FRAS1: variants seen among roughly 807,000 people sequenced by gnomAD.
The protein encoded by FRAS1 is extracellular matrix organizing protein FRAS1.
A neutral mutation model predicts 435.2 loss-of-function variants in FRAS1; 290 were observed. The ratio of observed to expected loss-of-function variants is 0.67; its 90% CI spans 0.61 to 0.73. The LOEUF (loss-of-function observed/expected upper bound fraction) is 0.73, where lower values mean the gene tolerates loss of function less well. Ranked by LOEUF, FRAS1 falls within the 30% of genes least tolerant of loss-of-function variation. FRAS1 has a pLI of 0.00. For synonymous variants in FRAS1, 1,800 were observed against 1,851.0 expected (o/e 0.97, Z 0.71); for missense variants, 4,860 against 5,001.5 (o/e 0.97, Z 0.85).
At position 78,508,851 on chromosome 4, in the gene FRAS1, T is replaced by C; in HGVS notation, c.9625T>C (p.Tyr3209His). The C allele has an allele frequency of 2.5e-6, 4 of 1,613,864 alleles. No individual in the cohort carries two copies. Among genetic ancestry groups the C allele is most frequent in the Non-Finnish European group, 3.4e-6 (4 of 1,179,842 alleles). The stretch of plus-strand genomic sequence containing the variant: ...CCCCTGCGACCCTCATTTCCCCAGA[T>C]ACGCTGTCATGAAGGAGCGCTGCAG... ...VTPCDPHFPR[Y>H]AVMKERCSEA... The change falls in exon 63 of 74, where the codon TAC becomes CAC. Residue 3209 changes from tyrosine to histidine, a missense_variant. Physicochemically the swap from Tyr to His is moderately conservative, Grantham distance 83. Transcript: ENST00000512123.
rs182781947 is a variant in FRAS1, at chr4:78,445,993, A to G, written c.5856+281A>G. The G allele has an allele frequency of 3.3e-4, 422 of 1,260,680 alleles. 4 individuals are homozygous for G. The African/African-American group carries it at 5.7e-3, about 17-fold the overall frequency. 78.1% of individuals were successfully genotyped at this position (1,260,680 alleles called of 1,614,324 possible). On this transcript the variant is annotated intron_variant, in intron 42 of 73. Transcript: ENST00000512123. Reference sequence around the variant, plus strand: ...CAGAGATGCTTTGCCAGTCTCATATATAAATGAAAACTTACATATGTCTAT... The same window carrying G: ...CAGAGATGCTTTGCCAGTCTCATATGTAAATGAAAACTTACATATGTCTAT...
At chr4:78,264,006 T>A (rs553445872) in intron 6 of FRAS1, among the ~76,000 whole-genome samples, 8 of 152,292 alleles carry the variant, frequency 5.3e-5, no homozygotes, top group African/African-American at 1.9e-4. Flanking sequence ...AGAGTAACAA[T>A]GACAATAAAA....
At chr4:78,361,763 A>T (rs1731081213) in intron 20 of FRAS1, among the ~76,000 whole-genome samples, 1 of 152,176 alleles carries the variant, frequency 6.6e-6, no homozygotes, top group Admixed American at 6.5e-5. Flanking sequence ...ATGAAACAAG[A>T]CATTTTGGGG....
intron 22 of FRAS1, 133 bp downstream of exon 22, chr4:78,364,187 A>G (rs1731181399): frequency 6.6e-6 from 7 of 1,064,686 alleles, no homozygotes; most frequent in East Asian, 2.6e-5. Flanking sequence ...AAGAAAACCA[A>G]TCTACAAAGG....
At position 78,291,054 on chromosome 4, in the gene FRAS1, C is replaced by G. The variant is rs115340382; in HGVS notation, c.1534+4515C>G. Among the ~76,000 whole-genome samples the G allele has an allele frequency of 1.0e-2, 1,518 of 152,334 alleles. 15 individuals carry two copies. The highest frequency in any genetic ancestry group is 0.024 in the Middle Eastern group (7 of 294). ...GTGCTGGGATTACAGGCGTGAGCCACTGCGCCCGGCCTAAACCACCTGGTT... is the reference window on the plus strand; with the variant it reads ...GTGCTGGGATTACAGGCGTGAGCCAGTGCGCCCGGCCTAAACCACCTGGTT... On this transcript the variant is annotated intron_variant, in intron 14 of 73. Transcript: ENST00000512123.
chr4:78,242,190 C>G (rs1560598654), intron 3 of FRAS1, among the ~76,000 whole-genome samples: 1 of 152,192 alleles, frequency 6.6e-6, no homozygotes, highest in Non-Finnish European at 1.5e-5. Context: ...AGTCAGACTT[C>G]CTCAGTCTGT....
chr4:78,126,259 G>T (rs752394372), intron 2 of FRAS1, among the ~76,000 whole-genome samples: 2 of 152,154 alleles, frequency 1.3e-5, no homozygotes, highest in South Asian at 4.2e-4. Context: ...CATGGGCAAG[G>T]CACAGTATTT....
At chr4:78,540,498 C>T (rs769699940) in intron 73 of FRAS1, 33 bp from the exon 74 acceptor site, 4 of 1,402,246 alleles carry the variant, frequency 2.9e-6, no homozygotes, top group Non-Finnish European at 1.9e-6. Flanking sequence ...GGTCTGTGGG[C>T]AACAACAACA....
intron 20 of FRAS1, among the ~76,000 whole-genome samples, chr4:78,341,825 T>C (rs1730407770): frequency 6.6e-6 from 1 of 151,846 alleles, no homozygotes; most frequent in Non-Finnish European, 1.5e-5. Context: ...GGGGTGAGAG[T>C]TGGACATCCC....
chr4:78,126,075 G>C (rs1284889024), intron 2 of FRAS1, among the ~76,000 whole-genome samples: 1 of 152,170 alleles, frequency 6.6e-6, no homozygotes, highest in Non-Finnish European at 1.5e-5. Context: ...TACACTGTGA[G>C]CATAGAACTG....
chr4:78,381,481 A>T (rs541273954), intron 27 of FRAS1, among the ~76,000 whole-genome samples: 352 of 152,240 alleles, frequency 2.3e-3, no homozygotes, highest in African/African-American at 8.4e-3. Flanking sequence ...GAAGAGACAG[A>T]GTTTCACTGT....
rs537823063 is a variant in FRAS1 at position 78,467,741 on chromosome 4, A to C, written c.7257+1306A>C. On this transcript the variant is annotated intron_variant, in intron 50 of 73. Transcript: ENST00000512123. Reference sequence around the variant, plus strand: ...CACATTCTCATTAGCATTTTTTATTACCTGTCTTTTAGATAAAAGCCATTT... The same window carrying C: ...CACATTCTCATTAGCATTTTTTATTCCCTGTCTTTTAGATAAAAGCCATTT... Among the ~76,000 whole-genome samples the C allele has an allele frequency of 2.3e-3, 345 of 152,144 alleles. 2 individuals are homozygous for C. The highest frequency in any genetic ancestry group is 7.1e-3 in the South Asian group (34 of 4,818).
intron 2 of FRAS1, among the ~76,000 whole-genome samples, chr4:78,115,567 T>C (rs569614760): frequency 3.3e-5 from 5 of 152,366 alleles, no homozygotes; most frequent in African/African-American, 4.8e-5. Context: ...GGAGGGTGTA[T>C]GTGTCCAGGA....
At chr4:78,082,861 T>G (rs1489980786) in intron 2 of FRAS1, among the ~76,000 whole-genome samples, 1 of 152,170 alleles carries the variant, frequency 6.6e-6, no homozygotes, top group Non-Finnish European at 1.5e-5. Flanking sequence ...TTTGCAGAAG[T>G]ATTGGTTGTG....
intron 61 of FRAS1, among the ~76,000 whole-genome samples, chr4:78,502,896 C>G (rs1310908042): frequency 2.0e-5 from 3 of 152,148 alleles, no homozygotes; most frequent in African/African-American, 7.2e-5. Flanking sequence ...TCCATCAATA[C>G]CTAGTTTATT....
At chr4:78,335,366 C>A (rs1310042245) in intron 19 of FRAS1, among the ~76,000 whole-genome samples, 1 of 152,178 alleles carries the variant, frequency 6.6e-6, no homozygotes, top group Non-Finnish European at 1.5e-5. Flanking sequence ...CATGGCATGG[C>A]AATCTCAGCT....
At chr4:78,207,745 T>C (rs1014729828) in intron 2 of FRAS1, among the ~76,000 whole-genome samples, 1 of 152,192 alleles carries the variant, frequency 6.6e-6, no homozygotes, top group Admixed American at 6.5e-5. Flanking sequence ...CTATAACTTC[T>C]TCCAATCTGG....
intron 14 of FRAS1, among the ~76,000 whole-genome samples, chr4:78,291,957 T>A (rs1727916505): frequency 6.6e-6 from 1 of 152,162 alleles, no homozygotes; most frequent in African/African-American, 2.4e-5. Flanking sequence ...CCATTTAACC[T>A]CTCTGAACTT....
At chr4:78,193,993 C>T (rs535960246) in intron 2 of FRAS1, among the ~76,000 whole-genome samples, 23 of 152,280 alleles carry the variant, frequency 1.5e-4, no homozygotes, top group South Asian at 4.2e-4. Flanking sequence ...TCAGCATTTG[C>T]TTGTCTCTAA....
Sources: gnomAD v4.1 joint callset for allele counts (sites outside exome capture counted in the v4.1 genomes callset) on GRCh38, gnomAD v4.1.1 for gene constraint, MANE v1.5 for transcripts, NCBI Gene and HGNC (gene_info 2026-07-23, HGNC 2026-07-21) for gene names.